The following ALG10 variants were observed in gnomAD, a reference collection of about 807,000 sequenced individuals.
The protein encoded by ALG10 is dol-P-Glc:Glc(2)Man(9)GlcNAc(2)-PP-Dol alpha-1,2-glucosyltransferase A.
In ALG10, 25 loss-of-function variants were observed where a neutral mutation model predicts 39.2. The observed-to-expected ratio is 0.64, with a 90% CI of 0.46 to 0.89. The LOEUF is 0.89. ALG10 is among the 40% of genes least tolerant of loss of function. The pLI, the probability that ALG10 is intolerant of heterozygous loss-of-function variation, is 0.00. For missense variants in ALG10, 486 were observed against 546.6 expected (o/e 0.89, Z 1.11); for synonymous variants, 184 against 193.9 (o/e 0.95, Z 0.42).
chr12:34,024,412 T>C (rs1942810083), intron 2 of ALG10, among the ~76,000 whole-genome samples: 1 of 152,112 alleles, frequency 6.6e-6, no homozygotes, highest in African/African-American at 2.4e-5. Context: ...AATAAATACT[T>C]ACTGAACTTA....
Position 34,026,374 on chromosome 12 carries a change from T to G in ALG10, c.881T>G (p.Phe294Cys). ...CTTCATTTTCCTCAACTATTCTACT[T>G]TTTTTCATTTACTCTCTTTTTTTCC... ...ACLHFPQLFY[F>C]FSFTLFFSFP... Residue 294 changes from phenylalanine (F) to cysteine (C), a missense_variant, in exon 3 of 3, where the codon TTT (phenylalanine) becomes TGT (cysteine). Coordinates refer to ENST00000266483, the MANE Select transcript of ALG10 (RefSeq NM_032834.4). 2 of 1,613,972 alleles carry G rather than the reference T, an allele frequency of 1.2e-6. No homozygotes were observed. The highest frequency in any genetic ancestry group is 1.7e-6 in the Non-Finnish European group (2 of 1,179,948).
At position 34,026,091 on chromosome 12, in the gene ALG10, G is replaced by A; in HGVS notation, c.598G>A (p.Val200Ile). The A allele has an allele frequency of 6.2e-7, 1 of 1,614,058 alleles. No individual in the cohort carries two copies. Among genetic ancestry groups the A allele is most frequent in the Non-Finnish European group, 8.5e-7 (1 of 1,179,966 alleles). ...CTGGGCTGTCTTCTGTGCAGGAAAT[G>A]TCATTGCACAAAAGTTAACGGAGGC... ...IIWAVFCAGN[V>I]IAQKLTEAWK... The change falls in exon 3 of 3, where the codon GTC (valine) becomes ATC (isoleucine). Residue 200 changes from valine to isoleucine, a missense_variant. By Grantham distance (29) the Val-to-Ile change is conservative. Coordinates refer to ENST00000266483, the MANE Select transcript of ALG10 (RefSeq NM_032834.4).
chr12:34,025,326 A>C (rs527245839), intron 2 of ALG10, among the ~76,000 whole-genome samples: 1 of 152,316 alleles, frequency 6.6e-6, no homozygotes, highest in Non-Finnish European at 1.5e-5. Flanking sequence ...TTTTCAGAAA[A>C]ATACCTGTTA....
At chr12:34,022,850 C>T in intron 1 of ALG10, 80 bp downstream of exon 1, 1 of 1,593,908 alleles carries the variant, frequency 6.3e-7, no homozygotes, top group Non-Finnish European at 8.6e-7. Flanking sequence ...CCTTAGACTT[C>T]ACTCGTCCTG....
At chr12:34,025,713 A>G (rs1942823262) in intron 2 of ALG10, 150 bp from the exon 3 acceptor site, 2 of 1,047,056 alleles carry the variant, frequency 1.9e-6, no homozygotes, top group South Asian at 3.3e-5. Flanking sequence ...GTGTTTTTGC[A>G]AAGCCAGAGA....
At position 34,024,045 on chromosome 12, in the gene ALG10, G is replaced by T; in HGVS notation, c.255G>T (p.Trp85Cys). ...VIKPAIWIFGWSEHVVCSIGM... is the reference protein window; with the variant it reads ...VIKPAIWIFGCSEHVVCSIGM... Reference sequence around the variant, plus strand: ...AACCTGCCATTTGGATCTTTGGATGGTCTGAACATGTTGTCTGCTCCATTG... The same window carrying T: ...AACCTGCCATTTGGATCTTTGGATGTTCTGAACATGTTGTCTGCTCCATTG... The change falls in exon 2 of 3, where the codon TGG becomes TGT. Residue 85 changes from tryptophan to cysteine, a missense_variant. Coordinates refer to ENST00000266483, the MANE Select transcript of ALG10 (RefSeq NM_032834.4). 2 of 1,614,158 alleles carry T rather than the reference G, an allele frequency of 1.2e-6. No individual in the cohort carries two copies. The highest frequency in any genetic ancestry group is 1.7e-6 in the Non-Finnish European group (2 of 1,180,022).
chr12:34,026,670 A>G lies in ALG10; in HGVS notation c.1177A>G (p.Ile393Val), dbSNP rs377557149. Residue 393 changes from isoleucine to valine, a missense_variant, in exon 3 of 3, where the codon ATT becomes GTT. Physicochemically the swap from Ile to Val is conservative, Grantham distance 29. Coordinates refer to ENST00000266483, the MANE Select transcript of ALG10 (RefSeq NM_032834.4). Reference sequence around the variant, plus strand: ...AGCTGACTCATTGAAATCAAAGTCAATTTTTTGGAATTTAATGTTTTTCAT... The same window carrying G: ...AGCTGACTCATTGAAATCAAAGTCAGTTTTTTGGAATTTAATGTTTTTCAT... ...SIADSLKSKS[I>V]FWNLMFFICL... is the part of the protein sequence containing the mutation. 49 of 1,613,670 alleles carry G rather than the reference A, an allele frequency of 3.0e-5. No homozygotes were observed. The highest frequency in any genetic ancestry group is 2.2e-4 in the South Asian group (20 of 91,036).
At position 34,026,298 on chromosome 12, in the gene ALG10, G is replaced by A. The variant is rs185875444; in HGVS notation, c.805G>A (p.Val269Ile). The change falls in exon 3 of 3, where the codon GTA (valine) becomes ATA (isoleucine). Residue 269 changes from valine to isoleucine, a missense_variant. By Grantham distance (29) the Val-to-Ile change is conservative. Transcript: ENST00000266483. Reference sequence around the variant, plus strand: ...GGGATTTCTGTTTTGTGCTTTTGTAGTAGTTAATGGTGGAATTGTTATTGG... The same window carrying A: ...GGGATTTCTGTTTTGTGCTTTTGTAATAGTTAATGGTGGAATTGTTATTGG... ...LLGFLFCAFV[V>I]VNGGIVIGDR... The A allele has an allele frequency of 8.0e-4, 1,293 of 1,614,098 alleles. 7 individuals carry two copies. In the African/African-American group the frequency reaches 0.016, roughly 20 times the overall value.
In ALG10 at chr12:34,027,254, AATTT is replaced by A. The variant is rs1410376614; in HGVS notation, c.*343_*346del. 1 of 168,770 alleles carries A rather than the reference AATTT, an allele frequency of 5.9e-6. No homozygotes were observed. Among genetic ancestry groups the A allele is most frequent in the East Asian group, 1.6e-4 (1 of 6,150 alleles). 10.5% of individuals were successfully genotyped at this position (168,770 alleles called of 1,614,324 possible). On this transcript the variant is annotated 3_prime_UTR_variant, in exon 3 of 3. Transcript: ENST00000266483. ...GGGTATGCTTCATATTACTGGAATG[AATTT>A]ATTCTCTTCAGAGAGAAATATTAGG...
intron 1 of ALG10, chr12:34,023,005 C>T (rs1942795221): frequency 5.0e-6 from 3 of 604,114 alleles, no homozygotes; most frequent in Non-Finnish European, 8.1e-6. Flanking sequence ...GAATACTCAA[C>T]GGGGAACTGA....
chr12:34,026,521 C>T lies in ALG10; in HGVS notation c.1028C>T (p.Ala343Val). 1 of 1,613,754 alleles carries T rather than the reference C, an allele frequency of 6.2e-7. No homozygotes were observed. The highest frequency in any genetic ancestry group is 8.5e-7 in the Non-Finnish European group (1 of 1,179,896). ...SVFLVWKFTY[A>V]HKYLLADNRH... ...TTTTTAGTTTGGAAATTCACTTATG[C>T]TCATAAATACTTGCTAGCAGACAAT... Residue 343 changes from alanine (A) to valine (V), a missense_variant, in exon 3 of 3, where the codon GCT becomes GTT. By Grantham distance (64) the Ala-to-Val change is moderately conservative. Coordinates refer to ENST00000266483, the MANE Select transcript of ALG10 (RefSeq NM_032834.4).
In ALG10 at chr12:34,024,008, T is replaced by C. The variant is rs551377492; in HGVS notation, c.218T>C (p.Ile73Thr). ...TTACCTGGCTTGTACCTGGTGTCAA[T>C]TGGAGTGATCAAACCTGCCATTTGG... ...TTLPGLYLVSIGVIKPAIWIF... is the reference protein window; with the variant it reads ...TTLPGLYLVSTGVIKPAIWIF... Residue 73 changes from isoleucine to threonine, a missense_variant, in exon 2 of 3, where the codon ATT (isoleucine) becomes ACT (threonine). Coordinates refer to ENST00000266483, the MANE Select transcript of ALG10 (RefSeq NM_032834.4). 3.1e-6 allele frequency: 5 copies of C among 1,614,198 alleles called. No homozygotes were observed. The highest frequency in any genetic ancestry group is 2.2e-5 in the South Asian group (2 of 91,086).
Position 34,026,093 on chromosome 12 carries a change from C to T in ALG10, c.600C>T (p.Val200=). 3.1e-6 allele frequency: 5 copies of T among 1,614,034 alleles called. No individual in the cohort carries two copies. The highest frequency in any genetic ancestry group is 4.2e-6 in the Non-Finnish European group (5 of 1,179,958). ...IIWAVFCAGN[V]IAQKLTEAWK... is the part of the protein sequence containing the mutation. Reference sequence around the variant, plus strand: ...GGGCTGTCTTCTGTGCAGGAAATGTCATTGCACAAAAGTTAACGGAGGCTT... The same window carrying T: ...GGGCTGTCTTCTGTGCAGGAAATGTTATTGCACAAAAGTTAACGGAGGCTT... The change falls in exon 3 of 3, where the codon GTC becomes GTT. Residue 200 remains valine (V), a synonymous_variant. Transcript: ENST00000266483.
At position 34,025,942 on chromosome 12, in the gene ALG10, A is replaced by T; in HGVS notation, c.449A>T (p.Tyr150Phe). Residue 150 changes from tyrosine to phenylalanine, a missense_variant, in exon 3 of 3, where the codon TAT becomes TTT. Coordinates refer to ENST00000266483, the MANE Select transcript of ALG10 (RefSeq NM_032834.4). ...ACACTTTATTTTTTTAACTTCCTTTATTATACAGAAGCAGGATCTATGTTT... is the reference window on the plus strand; with the variant it reads ...ACACTTTATTTTTTTAACTTCCTTTTTTATACAGAAGCAGGATCTATGTTT... ...FPTLYFFNFLYYTEAGSMFFT... is the reference protein window; with the variant it reads ...FPTLYFFNFLFYTEAGSMFFT... 6.2e-7 allele frequency: 1 copy of T among 1,613,960 alleles called. No individual in the cohort carries two copies. The highest frequency in any genetic ancestry group is 8.5e-7 in the Non-Finnish European group (1 of 1,179,904).
At position 34,026,263 on chromosome 12, in the gene ALG10, A is replaced by T; in HGVS notation, c.770A>T (p.Tyr257Phe). 6.2e-6 allele frequency: 10 copies of T among 1,614,046 alleles called. No individual in the cohort carries two copies. The highest frequency in any genetic ancestry group is 8.5e-6 in the Non-Finnish European group (10 of 1,179,974). Residue 257 changes from tyrosine to phenylalanine, a missense_variant, in exon 3 of 3, where the codon TAC becomes TTC. Transcript: ENST00000266483. Reference protein sequence around the residue: ...LSMLLLLTWPYILLGFLFCAF... With the variant: ...LSMLLLLTWPFILLGFLFCAF... ...ATGCTTTTGCTTCTGACTTGGCCCT[A>T]CATCCTTCTGGGATTTCTGTTTTGT...
upstream of ALG10, chr12:34,022,451 C>T (rs1942786257): frequency 2.3e-5 from 30 of 1,279,430 alleles, no homozygotes; most frequent in South Asian, 3.9e-4. Flanking sequence ...CGGATCCGCG[C>T]TCTCCCAGCA....
chr12:34,024,284 A>G, intron 2 of ALG10, 125 bp downstream of exon 2: 1 of 1,157,320 alleles, frequency 8.6e-7, no homozygotes, highest in Non-Finnish European at 1.2e-6. Context: ...TTTGTATATT[A>G]TGTAAAGGTA....
chr12:34,026,715 G>T lies in ALG10; in HGVS notation c.1222G>T (p.Val408Phe), dbSNP rs373989392. ...MFFICLFTVI[V>F]PQKLLEFRYF... ...TTTCATATGCTTGTTCACTGTTATA[G>T]TTCCTCAGAAACTGCTGGAATTTCG... Residue 408 changes from valine to phenylalanine, a missense_variant, in exon 3 of 3, where the codon GTT (valine) becomes TTT (phenylalanine). Physicochemically the swap from Val to Phe is conservative, Grantham distance 50. Coordinates refer to ENST00000266483, the MANE Select transcript of ALG10 (RefSeq NM_032834.4). The T allele has an allele frequency of 4.3e-6, 7 of 1,613,712 alleles. No homozygotes were observed. The African/African-American group carries it at 9.3e-5, about 22-fold the overall frequency.
chr12:34,023,923 T>A (rs746921343), intron 1 of ALG10, 39 bp from the exon 2 acceptor site: 55 of 1,611,488 alleles, frequency 3.4e-5, no homozygotes, highest in Non-Finnish European at 3.9e-5. Context: ...CTTGTTCCTA[T>A]TACCTCTTGC....
Sources: allele counts gnomAD v4.1 joint callset (sites outside exome capture counted in the v4.1 genomes callset), GRCh38; gene constraint gnomAD v4.1.1; transcripts MANE v1.5; gene names NCBI Gene and HGNC (gene_info 2026-07-23, HGNC 2026-07-21).